Variants in DECR2 observed in about 807,000 individuals in gnomAD.
DECR2 encodes the protein 2,4-dienoyl-CoA reductase 2, also known as peroxisomal 2,4-dienoyl-CoA reductase [(3E)-enoyl-CoA-producing].
Under a neutral mutation model 29.2 loss-of-function variants are expected in DECR2, and 34 were observed. The ratio of observed to expected loss-of-function variants is 1.16; its 90% confidence interval spans 0.89 to 1.55. The LOEUF (loss-of-function observed/expected upper bound fraction) is 1.55, where lower values mean the gene tolerates loss of function less well. Ranked by LOEUF, DECR2 falls within the 40% of genes most tolerant of loss-of-function variation. The probability of loss-of-function intolerance (pLI) is 0.00; values close to 1 mark genes in which losing one functional copy is unlikely to be tolerated. For missense variants in DECR2, 485 were observed against 425.3 expected (o/e 1.14, Z -1.23); for synonymous variants, 224 against 182.7 (o/e 1.23, Z -1.82).
chr16:408,520 GC>G (rs1461954378), intron 4 of DECR2, among the ~76,000 whole-genome samples: 1 of 149,368 alleles, frequency 6.7e-6, no homozygotes, highest in Non-Finnish European at 1.5e-5. Flanking sequence ...AAAAGTAATA[GC>G]CTTTTTTTTT....
At chr16:408,837 T>A (rs2141814261) in intron 4 of DECR2, among the ~76,000 whole-genome samples, 1 of 150,530 alleles carries the variant, frequency 6.6e-6, no homozygotes, top group East Asian at 1.9e-4. Flanking sequence ...GGCCTAGCTT[T>A]TTTTTTTTTT....
chr16:402,644 T>C (rs1332465091), intron 1 of DECR2, among the ~76,000 whole-genome samples: 4 of 151,778 alleles, frequency 2.6e-5, no homozygotes, highest in Admixed American at 2.0e-4. Flanking sequence ...TTTTTTTTTT[T>C]CCTTTTCTTT....
At chr16:403,078 C>T (rs1404607351) in intron 1 of DECR2, 3 of 970,986 alleles carry the variant, frequency 3.1e-6, no homozygotes, top group Non-Finnish European at 2.4e-6. Flanking sequence ...TTTTTCGAAA[C>T]GGAGTCTCAT....
At position 412,250 on chromosome 16, in the gene DECR2, C is replaced by A. The variant is rs1050707340; in HGVS notation, c.*361C>A. ...GATCCCGAGACTTGTGTTCTCTTGG[C>A]TGAAAACACTGAGGTGCTCCCATCT... On this transcript the variant is annotated 3_prime_UTR_variant, in exon 9 of 9. Transcript: ENST00000219481. 4 of 152,482 alleles carry A rather than the reference C, an allele frequency of 2.6e-5. No homozygotes were observed. Among genetic ancestry groups the A allele is most frequent in the African/African-American group, 9.6e-5 (4 of 41,472 alleles). 9.4% of individuals were successfully genotyped at this position (152,482 alleles called of 1,614,324 possible).
chr16:410,028 C>A lies in DECR2; in HGVS notation c.338-215C>A. On this transcript the variant is annotated intron_variant, in intron 4 of 8. Coordinates refer to ENST00000219481, the MANE Select transcript of DECR2 (RefSeq NM_020664.4). This position sits in a 1 kb window ranked among gnomAD's most constrained non-coding sequence, Gnocchi z 4.1. ...CACAGTCGCAGGTACGGAGCCAGGG[C>A]TTCAGCATGTCTTCTCTTCTCGGGG... 1.6e-6 allele frequency: 1 copy of A among 613,542 alleles called. No homozygotes were observed. The allele number at this position is 613,542 out of a possible 1,614,324, so 38.0% of individuals were successfully genotyped here.
At position 411,514 on chromosome 16, in the gene DECR2, G is replaced by A. The variant is rs1306055193; in HGVS notation, c.815G>A (p.Trp272Ter). The A allele has an allele frequency of 4.3e-6, 7 of 1,613,952 alleles. No individual in the cohort carries two copies. Among genetic ancestry groups the A allele is most frequent in the Non-Finnish European group, 5.1e-6 (6 of 1,180,006 alleles). The change falls in exon 8 of 9, where the codon TGG becomes TAG. Residue 272 changes from tryptophan (W) to a stop codon, truncating the protein, a stop_gained. Coordinates refer to ENST00000219481, the MANE Select transcript of DECR2 (RefSeq NM_020664.4). LOFTEE classifies it high-confidence loss of function. ...GTGCTGGTGGCCGATGGCGGGGCAT[G>A]GTTGACGTTCCCAAACGGTGTCAAA... ...GAVLVADGGA[W>*]LTFPNGVKGL... is the part of the protein sequence containing the mutation.
Position 405,030 on chromosome 16 carries a change from A to G in DECR2, c.149+6A>G. The G allele has an allele frequency of 6.2e-7, 1 of 1,613,964 alleles. No homozygotes were observed. The highest frequency in any genetic ancestry group is 1.3e-5 in the African/African-American group (1 of 75,014). ...ATTGCTGAGATTTTCATGCGGTGAGACTGCTCTGTGTCCCTTCCCTGCTCC... is the reference window on the plus strand; with the variant it reads ...ATTGCTGAGATTTTCATGCGGTGAGGCTGCTCTGTGTCCCTTCCCTGCTCC... On this transcript the variant is annotated splice_donor_region_variant and intron_variant, in intron 2 of 8. Transcript: ENST00000219481.
In DECR2 at chr16:410,087, G is replaced by C. The variant is rs527982966; in HGVS notation, c.338-156G>C. The C allele has an allele frequency of 1.8e-6, 2 of 1,116,250 alleles. No homozygotes were observed. The highest frequency in any genetic ancestry group is 2.8e-5 in the Admixed American group (1 of 36,310). The allele number at this position is 1,116,250 out of a possible 1,614,324, so 69.1% of individuals were successfully genotyped here. ...CAGCCAGGACGCCCGTCTTGCTCTGGTCATTTTGGAATTTATCCTAGGGCA... is the reference window on the plus strand; with the variant it reads ...CAGCCAGGACGCCCGTCTTGCTCTGCTCATTTTGGAATTTATCCTAGGGCA... On this transcript the variant is annotated intron_variant, in intron 4 of 8. Coordinates refer to ENST00000219481, the MANE Select transcript of DECR2 (RefSeq NM_020664.4). This position sits in a 1 kb window ranked among gnomAD's most constrained non-coding sequence, Gnocchi z 4.1.
chr16:407,589 CTTCTCACAGGTTGGTGGT>C (rs756761887), intron 4 of DECR2, 29 bp downstream of exon 4: 23 of 1,611,554 alleles, frequency 1.4e-5, no homozygotes, highest in Non-Finnish European at 1.7e-5. Flanking sequence ...AGGTTGGTGG[CTTCTCACAGGTTGGTGGT>C]ACCATTTGGA....
chr16:405,701 G>C (rs1334317642), intron 2 of DECR2: 1 of 968,150 alleles, frequency 1.0e-6, no homozygotes, highest in Non-Finnish European at 1.5e-6. Context: ...CAGAAGCGTA[G>C]TCTTGGGTGG....
intron 2 of DECR2, chr16:405,632 A>T (rs1312718361): frequency 1.5e-6 from 2 of 1,297,452 alleles, no homozygotes; most frequent in Admixed American, 4.6e-5. Flanking sequence ...GAAACCAAAG[A>T]ACAAGGCAGA....
At chr16:403,963 G>T (rs1029468502) in intron 1 of DECR2, among the ~76,000 whole-genome samples, 2 of 151,998 alleles carry the variant, frequency 1.3e-5, no homozygotes, top group African/African-American at 4.8e-5. Context: ...CACAAGGTCA[G>T]GAGATCGAGA....
At chr16:406,217 C>A in intron 2 of DECR2, 129 bp from the exon 3 acceptor site, 1 of 883,682 alleles carries the variant, frequency 1.1e-6, no homozygotes, top group Non-Finnish European at 1.7e-6. Flanking sequence ...CGCCCCTGTG[C>A]CCTCTGCCAG....
intron 3 of DECR2, 157 bp downstream of exon 3, chr16:406,554 G>T: frequency 1.4e-6 from 1 of 733,770 alleles, no homozygotes. Flanking sequence ...CTGAAGTGTG[G>T]TGGTGCGATC....
chr16:411,284 C>A, intron 7 of DECR2, 77 bp from the exon 8 acceptor site: 1 of 1,438,940 alleles, frequency 6.9e-7, no homozygotes, highest in Non-Finnish European at 9.4e-7. Flanking sequence ...AGATGCCTCT[C>A]AGGGAATGAG....
At position 410,709 on chromosome 16, in the gene DECR2, G is replaced by A. The variant is rs766642876; in HGVS notation, c.481G>A (p.Val161Met). Residue 161 changes from valine (V) to methionine (M), a missense_variant, in exon 6 of 9, where the codon GTG (valine) becomes ATG (methionine). Val to Met is a conservative substitution (Grantham distance 21, BLOSUM62 1). Transcript: ENST00000219481. This position sits in a 1 kb window ranked among gnomAD's most constrained non-coding sequence, Gnocchi z 4.1. ...KFFRDHGGVI[V>M]NITATLGNRG... ...GTTGCAGGACCACGGAGGGGTGATC[G>A]TGAACATCACTGCCACCCTGGGGAA... 49 of 1,607,182 alleles carry A rather than the reference G, an allele frequency of 3.0e-5. No homozygotes were observed. The Admixed American group carries it at 3.7e-4, about 12-fold the overall frequency.
At chr16:406,167 C>T (rs761516001) in intron 2 of DECR2, among the ~76,000 whole-genome samples, 179 bp from the exon 3 acceptor site, 20 of 152,224 alleles carry the variant, frequency 1.3e-4, no homozygotes, top group Non-Finnish European at 2.6e-4. Context: ...CCGGGGTGGG[C>T]ACCACCTGAG....
In DECR2 at chr16:406,408, C is replaced by G; in HGVS notation, c.201+11C>G. The G allele has an allele frequency of 1.9e-6, 3 of 1,607,408 alleles. No homozygotes were observed. The highest frequency in any genetic ancestry group is 2.5e-6 in the Non-Finnish European group (3 of 1,179,810). The stretch of plus-strand genomic sequence containing the variant: ...CCGCGAGTGCTGACGGTGAGAGGGC[C>G]TCTCCCATGGTCCCCTGTTCGGGTG... On this transcript the variant is annotated intron_variant, in intron 3 of 8. Transcript: ENST00000219481.
At chr16:406,933 C>T in intron 3 of DECR2, 1 of 1,030,134 alleles carries the variant, frequency 9.7e-7, no homozygotes, top group Non-Finnish European at 1.2e-6. Context: ...TTGCACCTAT[C>T]CTAAATATGG....
Sources: allele counts gnomAD v4.1 joint callset (sites outside exome capture counted in the v4.1 genomes callset), GRCh38; gene constraint gnomAD v4.1.1; non-coding constraint Gnocchi (gnomAD v3.1); transcripts MANE v1.5; gene names NCBI Gene and HGNC (gene_info 2026-07-23, HGNC 2026-07-21).